Variants in PPP1R14A observed in about 807,000 individuals in gnomAD.
PPP1R14A encodes protein phosphatase 1 regulatory inhibitor subunit 14A.
A neutral mutation model predicts 14.1 loss-of-function variants in PPP1R14A; 9 were observed. The ratio of observed to expected loss-of-function variants is 0.64; its 90% CI spans 0.38 to 1.11. The LOEUF (loss-of-function observed/expected upper bound fraction) is 1.11, where lower values mean the gene tolerates loss of function less well. Ranked by LOEUF, PPP1R14A falls within the 50% of genes most tolerant of loss-of-function variation. PPP1R14A has a pLI of 0.01. For synonymous variants in PPP1R14A, 93 were observed against 88.7 expected (o/e 1.05, Z -0.27); for missense variants, 208 against 200.7 (o/e 1.04, Z -0.22).
rs1449568771 is a variant in PPP1R14A at position 38,256,148 on chromosome 19, G to GT, written c.191dup (p.Tyr64Ter). ...CCCTCCCCGGGCTCACCATGCCGCG[G>GT]TACAGCTCCTCCAGGCGCCCGTCGA... ...KWIDGRLEEL[Y>*]RGMEADMPDE... Residue 64 changes from tyrosine to a stop codon, truncating the protein, a stop_gained and frameshift_variant, in exon 1 of 4, where the codon TAC becomes TAAC. Transcript: ENST00000301242. LOFTEE classifies it high-confidence loss of function. The surrounding 1 kb of genome is among the most constrained non-coding windows in gnomAD (Gnocchi z 5.7). 1 of 1,545,958 alleles carries GT rather than the reference G, an allele frequency of 6.5e-7. No homozygotes were observed. The highest frequency in any genetic ancestry group is 2.4e-5 in the East Asian group (1 of 41,286).
chr19:38,252,204 C>A lies in PPP1R14A; in HGVS notation c.315+102G>T. On this transcript the variant is annotated intron_variant, in intron 3 of 3. Transcript: ENST00000301242. The surrounding 1 kb of genome is among the most constrained non-coding windows in gnomAD (Gnocchi z 4.1). ...CAGGTTGGGGCCGGGGGTGGTGGGGCCGGGTGGTGTTCCCCAGAGACCCTT... is the reference window on the plus strand; with the variant it reads ...CAGGTTGGGGCCGGGGGTGGTGGGGACGGGTGGTGTTCCCCAGAGACCCTT... 1 of 1,163,038 alleles carries A rather than the reference C, an allele frequency of 8.6e-7. No individual in the cohort carries two copies. Among genetic ancestry groups the A allele is most frequent in the Non-Finnish European group, 1.3e-6 (1 of 798,466 alleles). The allele number at this position is 1,163,038 out of a possible 1,614,324, so 72.0% of individuals were successfully genotyped here. A position where few individuals can be genotyped will look rare whatever the true frequency, so the allele number is the denominator to read the frequency against.
chr19:38,255,988 C>T (rs1235079534), intron 1 of PPP1R14A, 151 bp downstream of exon 1: 2 of 667,522 alleles, frequency 3.0e-6, no homozygotes, highest in African/African-American at 3.8e-5. Context: ...ATGGCCAGGC[C>T]AATGAGTGCC....
Position 38,254,439 on chromosome 19 carries a change from G to A in PPP1R14A, c.202-1465C>T, listed in dbSNP as rs575852489. 4.1e-4 allele frequency among the ~76,000 whole-genome samples: 62 copies of A among 151,746 alleles called. 1 individual carries two copies. The highest frequency in any genetic ancestry group is 3.5e-3 in the Admixed American group (54 of 15,248). On this transcript the variant is annotated intron_variant, in intron 1 of 3. Coordinates refer to ENST00000301242, the MANE Select transcript of PPP1R14A (RefSeq NM_033256.3). ...CCTGCCTCAGCCTCCCAAGTAGCTG[G>A]GATTACAGCTGCCTGCCACCATGCC... is the stretch of plus-strand genomic sequence containing the variant.
At position 38,253,060 on chromosome 19, in the gene PPP1R14A, C is replaced by T. The variant is rs1233203539; in HGVS notation, c.202-86G>A. On this transcript the variant is annotated intron_variant, in intron 1 of 3. Coordinates refer to ENST00000301242, the MANE Select transcript of PPP1R14A (RefSeq NM_033256.3). ...AGGGCTCTGCAGGAGCCCCACCGGC[C>T]CCAGGGCCCAGCTGGCGGGTTCTGG... 1.6e-5 allele frequency: 17 copies of T among 1,045,414 alleles called. No homozygotes were observed. The South Asian group carries it at 2.0e-4, about 12-fold the overall frequency. 64.8% of individuals were successfully genotyped at this position (1,045,414 alleles called of 1,614,324 possible).
chr19:38,252,359 CAA>C lies in PPP1R14A; in HGVS notation c.283-23_283-22del. On this transcript the variant is annotated intron_variant, in intron 2 of 3. Coordinates refer to ENST00000301242, the MANE Select transcript of PPP1R14A (RefSeq NM_033256.3). This position sits in a 1 kb window ranked among gnomAD's most constrained non-coding sequence, Gnocchi z 4.1. ...AGTCCCTAAAACCCCCAACCAAGAA[CAA>C]AACAAAACAGTAAATGACTAACACC... 6.2e-7 allele frequency: 1 copy of C among 1,608,588 alleles called. No homozygotes were observed. The highest frequency in any genetic ancestry group is 8.5e-7 in the Non-Finnish European group (1 of 1,178,858).
chr19:38,251,694 C>T (rs1050738890), intron 3 of PPP1R14A, among the ~76,000 whole-genome samples: 5 of 150,712 alleles, frequency 3.3e-5, no homozygotes, highest in African/African-American at 4.9e-5. Flanking sequence ...GAGACAGATA[C>T]GGAGTGGGGG....
chr19:38,252,485 G>A lies in PPP1R14A; in HGVS notation c.283-147C>T. ...GACTGCCCACCAAGCTTCAAGAGAGGAACAGAGCCCAAGGGGCATGTGGAT... is the reference window on the plus strand; with the variant it reads ...GACTGCCCACCAAGCTTCAAGAGAGAAACAGAGCCCAAGGGGCATGTGGAT... On this transcript the variant is annotated intron_variant, in intron 2 of 3. Transcript: ENST00000301242. The surrounding 1 kb of genome is among the most constrained non-coding windows in gnomAD (Gnocchi z 4.1). 5.0e-6 allele frequency: 4 copies of A among 806,556 alleles called. No homozygotes were observed. The highest frequency in any genetic ancestry group is 8.1e-6 in the Non-Finnish European group (4 of 491,926). The allele number at this position is 806,556 out of a possible 1,614,324, so 50.0% of individuals were successfully genotyped here.
intron 1 of PPP1R14A, among the ~76,000 whole-genome samples, chr19:38,254,524 C>T (rs953618961): frequency 1.4e-4 from 21 of 152,080 alleles, no homozygotes; most frequent in African/African-American, 4.3e-4. Context: ...AGGCTAGTCT[C>T]GTACTCCTGA....
In PPP1R14A at chr19:38,256,235, C is replaced by T. The variant is rs202090146; in HGVS notation, c.105G>A (p.Ala35=). The T allele has an allele frequency of 7.1e-4, 1,103 of 1,552,206 alleles. 8 individuals carry two copies. The African/African-American group carries it at 0.014, about 20-fold the overall frequency. ...GCCGGTCATACTTGACGGTGACGCG[C>T]GCGTGCCGCTTCTGCAGCCCCCCGG... The part of the protein sequence containing the change: ...GSPGGLQKRH[A]RVTVKYDRRE... The change falls in exon 1 of 4, where the codon GCG becomes GCA. Residue 35 remains alanine (A), a synonymous_variant. Transcript: ENST00000301242. This position sits in a 1 kb window ranked among gnomAD's most constrained non-coding sequence, Gnocchi z 5.7.
At chr19:38,251,504 C>G in intron 3 of PPP1R14A, 58 bp from the exon 4 acceptor site, 1 of 1,483,866 alleles carries the variant, frequency 6.7e-7, no homozygotes. Flanking sequence ...CCCTCTGCCC[C>G]TGTCCAGCCC....
chr19:38,252,433 G>T lies in PPP1R14A; in HGVS notation c.283-95C>A. ...CTTTCCCAAAAGGCCCCAGCAGCAAGACAAATGGAAGTCAGACTCCAGGGT... is the reference window on the plus strand; with the variant it reads ...CTTTCCCAAAAGGCCCCAGCAGCAATACAAATGGAAGTCAGACTCCAGGGT... On this transcript the variant is annotated intron_variant, in intron 2 of 3. Transcript: ENST00000301242. This position sits in a 1 kb window ranked among gnomAD's most constrained non-coding sequence, Gnocchi z 4.1. 1 of 1,275,828 alleles carries T rather than the reference G, an allele frequency of 7.8e-7. No homozygotes were observed. Among genetic ancestry groups the T allele is most frequent in the Non-Finnish European group, 1.1e-6 (1 of 896,352 alleles). The allele number at this position is 1,275,828 out of a possible 1,614,324, so 79.0% of individuals were successfully genotyped here. A position where few individuals can be genotyped will look rare whatever the true frequency, so the allele number is the denominator to read the frequency against.
Position 38,252,187 on chromosome 19 carries a change from G to C in PPP1R14A, c.315+119C>G. ...GAAAGAGCTGCGGAGGGCAGGTTGG[G>C]GCCGGGGGTGGTGGGGCCGGGTGGT... On this transcript the variant is annotated intron_variant, in intron 3 of 3. Coordinates refer to ENST00000301242, the MANE Select transcript of PPP1R14A (RefSeq NM_033256.3). This position sits in a 1 kb window ranked among gnomAD's most constrained non-coding sequence, Gnocchi z 4.1. The C allele has an allele frequency of 1.1e-6, 1 of 935,950 alleles. No individual in the cohort carries two copies. 58.0% of individuals were successfully genotyped at this position (935,950 alleles called of 1,614,324 possible). A position where few individuals can be genotyped will look rare whatever the true frequency, so the allele number is the denominator to read the frequency against.
Position 38,256,205 on chromosome 19 carries a change from C to T in PPP1R14A, c.135G>A (p.Glu45=). The stretch of plus-strand genomic sequence containing the variant: ...TCTCCACGTCCAGCCGCCGCTGCAG[C>T]TCCCGCCGGTCATACTTGACGGTGA... ...ARVTVKYDRR[E]LQRRLDVEKW... is the part of the protein sequence containing the mutation. Residue 45 remains glutamate, a synonymous_variant, in exon 1 of 4, where the codon GAG becomes GAA. Transcript: ENST00000301242. The surrounding 1 kb of genome is among the most constrained non-coding windows in gnomAD (Gnocchi z 5.7). 3.2e-6 allele frequency: 5 copies of T among 1,550,066 alleles called. No homozygotes were observed. Among genetic ancestry groups the T allele is most frequent in the Non-Finnish European group, 4.3e-6 (5 of 1,151,548 alleles).
Position 38,252,183 on chromosome 19 carries a change from TTGGGGCCGGGGGTGG to T in PPP1R14A, c.315+108_315+122del. 2 of 882,936 alleles carry T rather than the reference TTGGGGCCGGGGGTGG, an allele frequency of 2.3e-6. No individual in the cohort carries two copies. The highest frequency in any genetic ancestry group is 3.6e-6 in the Non-Finnish European group (2 of 551,764). The allele number at this position is 882,936 out of a possible 1,614,324, so 54.7% of individuals were successfully genotyped here. On this transcript the variant is annotated intron_variant, in intron 3 of 3. Coordinates refer to ENST00000301242, the MANE Select transcript of PPP1R14A (RefSeq NM_033256.3). This position sits in a 1 kb window ranked among gnomAD's most constrained non-coding sequence, Gnocchi z 4.1. The stretch of plus-strand genomic sequence containing the variant: ...ACCAGAAAGAGCTGCGGAGGGCAGG[TTGGGGCCGGGGGTGG>T]TGGGGCCGGGTGGTGTTCCCCAGAG...
In PPP1R14A at chr19:38,256,127, C is replaced by A; in HGVS notation, c.201+12G>T. 2.0e-6 allele frequency: 3 copies of A among 1,538,328 alleles called. No homozygotes were observed. The highest frequency in any genetic ancestry group is 2.6e-6 in the Non-Finnish European group (3 of 1,147,292). On this transcript the variant is annotated intron_variant, in intron 1 of 3. Transcript: ENST00000301242. The surrounding 1 kb of genome is among the most constrained non-coding windows in gnomAD (Gnocchi z 5.7). ...CTGTCCCCGACCACCCCCGAGCCCT[C>A]CCCGGGCTCACCATGCCGCGGTACA...
chr19:38,252,113 A>G lies in PPP1R14A; in HGVS notation c.315+193T>C. 1 of 607,864 alleles carries G rather than the reference A, an allele frequency of 1.6e-6. No homozygotes were observed. The highest frequency in any genetic ancestry group is 2.9e-6 in the Non-Finnish European group (1 of 342,682). The allele number at this position is 607,864 out of a possible 1,614,324, so 37.7% of individuals were successfully genotyped here. A position where few individuals can be genotyped will look rare whatever the true frequency, so the allele number is the denominator to read the frequency against. On this transcript the variant is annotated intron_variant, in intron 3 of 3. Coordinates refer to ENST00000301242, the MANE Select transcript of PPP1R14A (RefSeq NM_033256.3). This position sits in a 1 kb window ranked among gnomAD's most constrained non-coding sequence, Gnocchi z 4.1. ...ATGGAGCCCCCTCAGCAGATGGGGG[A>G]GAGAGGGAGAGAGACAAGTAGGAGG... is the stretch of plus-strand genomic sequence containing the variant.
In PPP1R14A at chr19:38,252,197, G is replaced by T; in HGVS notation, c.315+109C>A. 1 of 1,051,842 alleles carries T rather than the reference G, an allele frequency of 9.5e-7. No homozygotes were observed. Among genetic ancestry groups the T allele is most frequent in the Non-Finnish European group, 1.4e-6 (1 of 699,040 alleles). The allele number at this position is 1,051,842 out of a possible 1,614,324, so 65.2% of individuals were successfully genotyped here. ...CGGAGGGCAGGTTGGGGCCGGGGGT[G>T]GTGGGGCCGGGTGGTGTTCCCCAGA... On this transcript the variant is annotated intron_variant, in intron 3 of 3. Coordinates refer to ENST00000301242, the MANE Select transcript of PPP1R14A (RefSeq NM_033256.3). This position sits in a 1 kb window ranked among gnomAD's most constrained non-coding sequence, Gnocchi z 4.1.
Position 38,252,368 on chromosome 19 carries a change from A to G in PPP1R14A, c.283-30T>C. Reference sequence around the variant, plus strand: ...AACCCCCAACCAAGAACAAAACAAAACAGTAAATGACTAACACCTACTCCC... The same window carrying G: ...AACCCCCAACCAAGAACAAAACAAAGCAGTAAATGACTAACACCTACTCCC... On this transcript the variant is annotated intron_variant, in intron 2 of 3. Coordinates refer to ENST00000301242, the MANE Select transcript of PPP1R14A (RefSeq NM_033256.3). This position sits in a 1 kb window ranked among gnomAD's most constrained non-coding sequence, Gnocchi z 4.1. The G allele has an allele frequency of 6.2e-7, 1 of 1,608,556 alleles. No individual in the cohort carries two copies. The highest frequency in any genetic ancestry group is 8.5e-7 in the Non-Finnish European group (1 of 1,176,710).
In PPP1R14A at chr19:38,252,089, T is replaced by C. The variant is rs1465979325; in HGVS notation, c.315+217A>G. 8.4e-6 allele frequency: 5 copies of C among 593,640 alleles called. No homozygotes were observed. Among genetic ancestry groups the C allele is most frequent in the African/African-American group, 1.9e-5 (1 of 52,734 alleles). The allele number at this position is 593,640 out of a possible 1,614,324, so 36.8% of individuals were successfully genotyped here. A position where few individuals can be genotyped will look rare whatever the true frequency, so the allele number is the denominator to read the frequency against. On this transcript the variant is annotated intron_variant, in intron 3 of 3. Transcript: ENST00000301242. This position sits in a 1 kb window ranked among gnomAD's most constrained non-coding sequence, Gnocchi z 4.1. ...ACAGGGCAGATGGGGGAGGACAGAA[T>C]GGAGCCCCCTCAGCAGATGGGGGAG...
Sources: allele counts gnomAD v4.1 joint callset (sites outside exome capture counted in the v4.1 genomes callset), GRCh38; gene constraint gnomAD v4.1.1; non-coding constraint Gnocchi (gnomAD v3.1); transcripts MANE v1.5; gene names NCBI Gene and HGNC (gene_info 2026-07-23, HGNC 2026-07-21).